The following MYH13 variants were observed in gnomAD, a reference collection of about 807,000 sequenced individuals.
MYH13 encodes myosin heavy chain 13, also known as myosin-13.
MYH13 carries 177 observed loss-of-function variants against 232.1 expected under a neutral mutation model. The observed-to-expected ratio is 0.76, with a 90% CI of 0.67 to 0.86. MYH13 has a LOEUF of 0.86. Among genes scored for constraint, MYH13 ranks in the 40% least tolerant of loss-of-function variants. MYH13 has a pLI of 0.00. For synonymous variants in MYH13, 884 were observed against 923.5 expected (o/e 0.96, Z 0.78); for missense variants, 2,246 against 2,405.9 (o/e 0.93, Z 1.39).
Position 10,309,387 on chromosome 17 carries a change from C to A in MYH13, c.5016G>T (p.Lys1672Asn). ...DDALRSNEDL[K>N]EQLAIVERRN... Reference sequence around the variant, plus strand: ...TGCGCTCCACGATGGCCAGCTGCTCCTTGAGGTCCTCATTGCTCCTCAGGG... The same window carrying A: ...TGCGCTCCACGATGGCCAGCTGCTCATTGAGGTCCTCATTGCTCCTCAGGG... The change falls in exon 35 of 41, where the codon AAG (lysine) becomes AAT (asparagine). Residue 1672 changes from lysine to asparagine, a missense_variant. Physicochemically the swap from Lys to Asn is moderately conservative, Grantham distance 94. Coordinates refer to ENST00000252172, the MANE Select transcript of MYH13 (RefSeq NM_003802.3). 6.2e-7 allele frequency: 1 copy of A among 1,611,490 alleles called. No homozygotes were observed. Among genetic ancestry groups the A allele is most frequent in the Non-Finnish European group, 8.5e-7 (1 of 1,178,834 alleles).
Position 10,321,456 on chromosome 17 carries a change from T to G in MYH13, c.3111+76A>C, listed in dbSNP as rs1264867749. On this transcript the variant is annotated intron_variant, in intron 24 of 40. Transcript: ENST00000252172. ...CCAGAGTCTGACCTCTCAAGCCCTG[T>G]GTCCTAGTTAGACTGTCTCTTGTCT... 2.1e-6 allele frequency: 3 copies of G among 1,409,016 alleles called. No individual in the cohort carries two copies. In the East Asian group the frequency reaches 6.9e-5, roughly 33 times the overall value. 87.3% of individuals were successfully genotyped at this position (1,409,016 alleles called of 1,614,324 possible).
chr17:10,316,075 G>T (rs762727877), intron 27 of MYH13, 50 bp from the exon 28 acceptor site: 1 of 1,599,844 alleles, frequency 6.3e-7, no homozygotes, highest in Non-Finnish European at 8.6e-7. Context: ...GATTCCTAGT[G>T]CCCAGCATTG....
chr17:10,366,498 A>G (rs1377999230), intron 2 of MYH13, among the ~76,000 whole-genome samples: 1 of 148,648 alleles, frequency 6.7e-6, no homozygotes, highest in Non-Finnish European at 1.5e-5. Context: ...CTCCTGCCTC[A>G]GTCTCTTGAG....
intron 18 of MYH13, among the ~76,000 whole-genome samples, chr17:10,335,181 C>T (rs981906354): frequency 3.9e-5 from 6 of 152,208 alleles, no homozygotes; most frequent in African/African-American, 1.4e-4. Flanking sequence ...CGACTGACCT[C>T]ATGAGGCAGG....
intron 12 of MYH13, among the ~76,000 whole-genome samples, chr17:10,348,163 C>T (rs970202600): frequency 6.6e-5 from 10 of 152,162 alleles, no homozygotes; most frequent in African/African-American, 2.4e-4. Flanking sequence ...CTTGCTTTGC[C>T]CATTCAGGTA....
chr17:10,312,180 T>A lies in MYH13; in HGVS notation c.4366-104A>T. On this transcript the variant is annotated intron_variant, in intron 31 of 40. Transcript: ENST00000252172. ...GTAACACCAACGTTTTGCCCTTCCATCCTTAGGGACTGAAGAAGGAGGAGG... is the reference window on the plus strand; with the variant it reads ...GTAACACCAACGTTTTGCCCTTCCAACCTTAGGGACTGAAGAAGGAGGAGG... The A allele has an allele frequency of 5.4e-6, 7 of 1,307,810 alleles. 1 individual carries two copies. In the South Asian group the frequency reaches 9.9e-5, roughly 18 times the overall value. The allele number at this position is 1,307,810 out of a possible 1,614,324, so 81.0% of individuals were successfully genotyped here. A position where few individuals can be genotyped will look rare whatever the true frequency, so the allele number is the denominator to read the frequency against.
At position 10,320,627 on chromosome 17, in the gene MYH13, C is replaced by T. The variant is rs1393241129; in HGVS notation, c.3112-131G>A. 3 of 994,128 alleles carry T rather than the reference C, an allele frequency of 3.0e-6. No individual in the cohort carries two copies. In the African/African-American group the frequency reaches 4.9e-5, roughly 16 times the overall value. The allele number at this position is 994,128 out of a possible 1,614,324, so 61.6% of individuals were successfully genotyped here. A position where few individuals can be genotyped will look rare whatever the true frequency, so the allele number is the denominator to read the frequency against. On this transcript the variant is annotated intron_variant, in intron 24 of 40. Coordinates refer to ENST00000252172, the MANE Select transcript of MYH13 (RefSeq NM_003802.3). ...AGGGTGCTGGCTGCAAGCCTCTGGC[C>T]CCAGGAGGAAGCAAGTCTTGCCCCT...
At chr17:10,309,125 T>C (rs560170783) in intron 35 of MYH13, 109 bp downstream of exon 35, 2 of 1,181,348 alleles carry the variant, frequency 1.7e-6, no homozygotes, top group African/African-American at 3.1e-5. Flanking sequence ...GGGTGCTCCT[T>C]CCCACGGCGT....
chr17:10,320,525 GC>G (rs1906903301), intron 24 of MYH13, 29 bp from the exon 25 acceptor site: 2 of 1,599,964 alleles, frequency 1.3e-6, no homozygotes, highest in Admixed American at 1.7e-5. Flanking sequence ...AGAAAATTAA[GC>G]CCCTGCTGGG....
Position 10,321,516 on chromosome 17 carries a change from A to C in MYH13, c.3111+16T>G, listed in dbSNP as rs763802597. On this transcript the variant is annotated intron_variant, in intron 24 of 40. Transcript: ENST00000252172. ...CAAGTGATAAATGCTAAAGCATAGT[A>C]GTAAAATATCCTCACATCATCTGTT... 10 of 1,607,412 alleles carry C rather than the reference A, an allele frequency of 6.2e-6. No homozygotes were observed. The African/African-American group carries it at 8.0e-5, about 13-fold the overall frequency.
chr17:10,313,106 C>T (rs1906571251), intron 30 of MYH13, 52 bp downstream of exon 30: 1 of 1,612,892 alleles, frequency 6.2e-7, no homozygotes, highest in Non-Finnish European at 8.5e-7. Context: ...CTCCTGGTCC[C>T]TTGGCTTGTG....
intron 11 of MYH13, among the ~76,000 whole-genome samples, chr17:10,352,088 T>A (rs2071714786): frequency 6.6e-6 from 1 of 152,012 alleles, no homozygotes; most frequent in Non-Finnish European, 1.5e-5. Flanking sequence ...TAGGGAAGGG[T>A]CGTTGTAGGT....
In MYH13 at chr17:10,301,450, C is replaced by T. The variant is rs1013138447; in HGVS notation, c.5802+119G>A. On this transcript the variant is annotated intron_variant, in intron 40 of 40. Coordinates refer to ENST00000252172, the MANE Select transcript of MYH13 (RefSeq NM_003802.3). ...TCAGGTACCTGCTCTTACCTGGTCC[C>T]CACATCTCAGGTACCTGCCCTTATC... 3 of 1,469,164 alleles carry T rather than the reference C, an allele frequency of 2.0e-6. No individual in the cohort carries two copies. In the South Asian group the frequency reaches 3.8e-5, roughly 19 times the overall value. 91.0% of individuals were successfully genotyped at this position (1,469,164 alleles called of 1,614,324 possible). A position where few individuals can be genotyped will look rare whatever the true frequency, so the allele number is the denominator to read the frequency against.
intron 29 of MYH13, 79 bp from the exon 30 acceptor site, chr17:10,313,433 C>T (rs1355030020): frequency 1.9e-6 from 3 of 1,594,164 alleles, no homozygotes; most frequent in African/African-American, 2.7e-5. Context: ...AAATCGCTTT[C>T]CCCCAACTTG....
intron 1 of MYH13, among the ~76,000 whole-genome samples, chr17:10,372,080 A>C (rs2071881383): frequency 6.6e-6 from 1 of 152,182 alleles, no homozygotes. Context: ...TTGGTTTACT[A>C]TCCTTGTTGC....
At chr17:10,358,192 T>C (rs1031367589) in intron 7 of MYH13, among the ~76,000 whole-genome samples, 6 of 152,114 alleles carry the variant, frequency 3.9e-5, no homozygotes, top group East Asian at 1.9e-4. Flanking sequence ...CCACCTAATA[T>C]AGATATTTGT....
intron 39 of MYH13, 115 bp from the exon 40 acceptor site, chr17:10,301,818 T>C: frequency 7.3e-7 from 1 of 1,368,502 alleles, no homozygotes; most frequent in Middle Eastern, 1.9e-4. Context: ...GATTCCCTGA[T>C]GGCAGAGAGG....
chr17:10,314,119 T>G (rs1039947838), intron 29 of MYH13, among the ~76,000 whole-genome samples: 1 of 152,216 alleles, frequency 6.6e-6, no homozygotes, highest in African/African-American at 2.4e-5. Context: ...TACATTTTCA[T>G]CTTTTTAAAA....
At chr17:10,313,617 C>T (rs775464287) in intron 29 of MYH13, among the ~76,000 whole-genome samples, 8 of 152,024 alleles carry the variant, frequency 5.3e-5, no homozygotes, top group Non-Finnish European at 8.8e-5. Context: ...AGAAGGTAAC[C>T]ATAAGTGCAA....
Sources: gnomAD v4.1 joint callset for allele counts (sites outside exome capture counted in the v4.1 genomes callset) on GRCh38, gnomAD v4.1.1 for gene constraint, MANE v1.5 for transcripts, NCBI Gene and HGNC (gene_info 2026-07-23, HGNC 2026-07-21) for gene names.